Variants in HFM1 observed in about 807,000 individuals in gnomAD.
HFM1 encodes probable ATP-dependent DNA helicase HFM1.
A neutral mutation model predicts 192.1 loss-of-function variants in HFM1; 169 were observed. That is an observed-to-expected ratio of 0.88 (90% CI 0.78 to 1.00). The LOEUF (loss-of-function observed/expected upper bound fraction) is 1.00, where lower values mean the gene tolerates loss of function less well. Among genes scored for constraint, HFM1 ranks in the 50% least tolerant of loss-of-function variants. The probability of loss-of-function intolerance (pLI) is 0.00; values close to 1 mark genes in which losing one functional copy is unlikely to be tolerated. For synonymous variants in HFM1, 525 were observed against 537.8 expected (o/e 0.98, Z 0.33); for missense variants, 1,661 against 1,668.0 (o/e 1.00, Z 0.07).
chr1:91,274,808 A>G lies in HFM1; in HGVS notation c.3590T>C (p.Ile1197Thr). 6.6e-7 allele frequency: 1 copy of G among 1,525,100 alleles called. No homozygotes were observed. The highest frequency in any genetic ancestry group is 9.1e-7 in the Non-Finnish European group (1 of 1,104,292). The allele number at this position is 1,525,100 out of a possible 1,614,324, so 94.5% of individuals were successfully genotyped here. The change falls in exon 33 of 39, where the codon ATA becomes ACA. Residue 1197 changes from isoleucine (I) to threonine (T), a missense_variant and splice_region_variant. Coordinates refer to ENST00000370425, the MANE Select transcript of HFM1 (RefSeq NM_001017975.6). The stretch of plus-strand genomic sequence containing the variant: ...CACACTTTGAGATTTATTCATCTGT[A>G]TCTATTAATGAAACAAAAATAAGTT... Reference protein sequence around the residue: ...SSVPPVKRLKIQMNKSQSVDL... With the variant: ...SSVPPVKRLKTQMNKSQSVDL...
At chr1:91,335,376 C>G (rs1345791528) in intron 20 of HFM1, among the ~76,000 whole-genome samples, 2 of 152,094 alleles carry the variant, frequency 1.3e-5, no homozygotes, top group African/African-American at 4.8e-5. Context: ...TATAAGGTCT[C>G]TTCCTGATAG....
intron 34 of HFM1, 79 bp from the exon 35 acceptor site, chr1:91,267,934 CTGTT>C: frequency 1.1e-5 from 8 of 761,048 alleles, no homozygotes; most frequent in South Asian, 1.7e-5. Flanking sequence ...TTGAAGAACA[CTGTT>C]TGAGAGACTT....
Position 91,320,933 on chromosome 1 carries a change from A to ATGGT in HFM1, c.2583-1544_2583-1543insACCA, listed in dbSNP as rs201652180. Among the ~76,000 whole-genome samples, 211 of 152,332 alleles carry ATGGT rather than the reference A, an allele frequency of 1.4e-3. 4 individuals carry two copies. In the East Asian group the frequency reaches 0.026, roughly 19 times the overall value. ...ATAAAGTATTGATTCGGTTAGAATT[A>ATGGT]CGTTCATGACCAGACCATATCAGTT... On this transcript the variant is annotated intron_variant, in intron 23 of 38. Transcript: ENST00000370425.
chr1:91,332,148 G>A (rs1653925128), intron 20 of HFM1, among the ~76,000 whole-genome samples: 1 of 152,022 alleles, frequency 6.6e-6, no homozygotes, highest in Non-Finnish European at 1.5e-5. Flanking sequence ...AATAGCCAAA[G>A]CTAGTCTAAG....
intron 30 of HFM1, among the ~76,000 whole-genome samples, chr1:91,294,942 T>C (rs1363999139): frequency 6.6e-6 from 1 of 152,208 alleles, no homozygotes; most frequent in Admixed American, 6.5e-5. Flanking sequence ...CTTTAATAAA[T>C]ACTGCTAGTT....
chr1:91,405,643 T>G (rs1338375539), upstream of HFM1, among the ~76,000 whole-genome samples: 2 of 152,176 alleles, frequency 1.3e-5, no homozygotes, highest in Non-Finnish European at 2.9e-5. Flanking sequence ...TCAGTGATAC[T>G]CATAAGCTCT....
intron 20 of HFM1, among the ~76,000 whole-genome samples, chr1:91,333,222 T>G (rs1248914497): frequency 6.6e-6 from 1 of 152,124 alleles, no homozygotes. Flanking sequence ...AACAGATGAA[T>G]GGATAAAGAA....
At position 91,291,183 on chromosome 1, in the gene HFM1, T is replaced by G. The variant is rs990133088; in HGVS notation, c.3392-14121A>C. Among the ~76,000 whole-genome samples, 160 of 151,684 alleles carry G rather than the reference T, an allele frequency of 1.1e-3. 1 individual carries two copies. The highest frequency in any genetic ancestry group is 1.9e-3 in the African/African-American group (80 of 41,362). On this transcript the variant is annotated intron_variant, in intron 30 of 38. Transcript: ENST00000370425. Reference sequence around the variant, plus strand: ...AAACACATTCAAAAGCTAGCAGAAGTCAAGAAATAACTAAAATCAGAGCAG... The same window carrying G: ...AAACACATTCAAAAGCTAGCAGAAGGCAAGAAATAACTAAAATCAGAGCAG...
Position 91,364,724 on chromosome 1 carries a change from C to T in HFM1, c.1685+10634G>A, listed in dbSNP as rs149501684. ...CTCAGCTTACTGCAAGCTCTGCCCC[C>T]CGGGGTTCACGCCATTCTCCTGCCT... On this transcript the variant is annotated intron_variant, in intron 13 of 38. Transcript: ENST00000370425. 3.1e-3 allele frequency among the ~76,000 whole-genome samples: 461 copies of T among 149,298 alleles called. 2 individuals are homozygous for T. Among genetic ancestry groups the T allele is most frequent in the African/African-American group, 0.01 (424 of 40,570 alleles).
chr1:91,290,106 TAA>T (rs1445178349), intron 30 of HFM1, among the ~76,000 whole-genome samples: 3 of 152,036 alleles, frequency 2.0e-5, no homozygotes, highest in Non-Finnish European at 4.4e-5. Context: ...TGCCAAAATG[TAA>T]AGACCATCGA....
At chr1:91,348,236 A>T (rs143213046) in intron 18 of HFM1, among the ~76,000 whole-genome samples, 1 of 152,336 alleles carries the variant, frequency 6.6e-6, no homozygotes, top group Admixed American at 6.5e-5. Flanking sequence ...AAAATAAAGT[A>T]ACTATGAAAA....
intron 30 of HFM1, among the ~76,000 whole-genome samples, chr1:91,281,291 C>T (rs949820239): frequency 2.6e-5 from 4 of 152,162 alleles, no homozygotes; most frequent in African/African-American, 9.7e-5. Context: ...CAGCATATTG[C>T]TTCCCCTGAA....
intron 4 of HFM1, among the ~76,000 whole-genome samples, chr1:91,389,013 C>T (rs573485607): frequency 5.3e-5 from 8 of 152,098 alleles, no homozygotes; most frequent in East Asian, 1.9e-4. Context: ...AGAAGACATA[C>T]GAATGGCTGA....
At chr1:91,332,686 T>C (rs893052603) in intron 20 of HFM1, among the ~76,000 whole-genome samples, 1 of 152,028 alleles carries the variant, frequency 6.6e-6, no homozygotes, top group Admixed American at 6.6e-5. Flanking sequence ...GAGAAAATAT[T>C]TGCAAACTAC....
chr1:91,302,281 C>G (rs1185228195), intron 30 of HFM1, among the ~76,000 whole-genome samples: 1 of 151,618 alleles, frequency 6.6e-6, no homozygotes, highest in African/African-American at 2.4e-5. Flanking sequence ...AGTCAGGAAA[C>G]AACAGGTGCT....
chr1:91,302,635 G>A (rs2101046869), intron 30 of HFM1, among the ~76,000 whole-genome samples: 1 of 152,204 alleles, frequency 6.6e-6, no homozygotes, highest in East Asian at 1.9e-4. Context: ...CCTTTGTAGG[G>A]ACATGGATGA....
At chr1:91,404,703 C>A in intron 1 of HFM1, 95 bp downstream of exon 1, 5 of 388,526 alleles carry the variant, frequency 1.3e-5, no homozygotes, top group South Asian at 3.7e-5. Flanking sequence ...AGAGATCGAC[C>A]GCTGCCCGGA....
chr1:91,304,742 G>A (rs1313339539), intron 30 of HFM1, among the ~76,000 whole-genome samples: 1 of 151,780 alleles, frequency 6.6e-6, no homozygotes, highest in Non-Finnish European at 1.5e-5. Flanking sequence ...GCCTCCCAAA[G>A]TGCTGGGATT....
chr1:91,375,018 G>A (rs1660733734), intron 13 of HFM1, among the ~76,000 whole-genome samples: 1 of 152,074 alleles, frequency 6.6e-6, no homozygotes, highest in Admixed American at 6.6e-5. Context: ...ACAGAGTCCA[G>A]AGTGTTTAAG....
Sources: gnomAD v4.1 joint callset for allele counts (sites outside exome capture counted in the v4.1 genomes callset) on GRCh38, gnomAD v4.1.1 for gene constraint, MANE v1.5 for transcripts, NCBI Gene and HGNC (gene_info 2026-07-23, HGNC 2026-07-21) for gene names.